Variants in XRN1 observed in about 807,000 individuals in gnomAD.
XRN1 encodes strand-exchange protein 1 homolog.
XRN1 carries 67 observed loss-of-function variants against 222.3 expected under a neutral mutation model. The observed-to-expected ratio is 0.30, with a 90% confidence interval of 0.25 to 0.37. XRN1 has a LOEUF of 0.37. Among genes scored for constraint, XRN1 ranks in the 10% least tolerant of loss-of-function variants. The probability of loss-of-function intolerance (pLI) is 1.00; values close to 1 mark genes in which losing one functional copy is unlikely to be tolerated. For synonymous variants in XRN1, 643 were observed against 652.4 expected (o/e 0.99, Z 0.22); for missense variants, 1,707 against 2,000.2 (o/e 0.85, Z 2.80).
intron 14 of XRN1, 70 bp downstream of exon 14, chr3:142,414,065 G>A: frequency 7.2e-7 from 1 of 1,392,576 alleles, no homozygotes; most frequent in Non-Finnish European, 9.5e-7. Flanking sequence ...GAGTATTATT[G>A]TTTCTAGGTT....
At chr3:142,412,361 T>C (rs2068618186) in intron 15 of XRN1, among the ~76,000 whole-genome samples, 183 bp downstream of exon 15, 1 of 152,244 alleles carries the variant, frequency 6.6e-6, no homozygotes, top group African/African-American at 2.4e-5. Context: ...CTAATAATAG[T>C]AAAGCCACTT....
Position 142,310,664 on chromosome 3 carries a change from T to C in XRN1, c.*847A>G, listed in dbSNP as rs546116631. 3.9e-5 allele frequency: 6 copies of C among 152,712 alleles called. No homozygotes were observed. Among genetic ancestry groups the C allele is most frequent in the Admixed American group, 2.6e-4 (4 of 15,280 alleles). The allele number at this position is 152,712 out of a possible 1,614,324, so 9.5% of individuals were successfully genotyped here. A position where few individuals can be genotyped will look rare whatever the true frequency, so the allele number is the denominator to read the frequency against. On this transcript the variant is annotated 3_prime_UTR_variant, in exon 41 of 41. Transcript: ENST00000392981. Reference sequence around the variant, plus strand: ...TGTCAGGTAAGCAAATAAAAAGCTATACAAAATAATACAGTTTATTAATTA... The same window carrying C: ...TGTCAGGTAAGCAAATAAAAAGCTACACAAAATAATACAGTTTATTAATTA...
At chr3:142,414,383 T>C in intron 13 of XRN1, 92 bp from the exon 14 acceptor site, 6 of 1,006,764 alleles carry the variant, frequency 6.0e-6, no homozygotes, top group Non-Finnish European at 5.3e-6. Context: ...TAACAACATA[T>C]AAAAATAATT....
At chr3:142,374,268 T>C (rs1004367475) in intron 25 of XRN1, among the ~76,000 whole-genome samples, 13 of 152,096 alleles carry the variant, frequency 8.5e-5, no homozygotes, top group Non-Finnish European at 2.9e-5. Flanking sequence ...TAATGAGAGC[T>C]GCACAACAGC....
At chr3:142,428,740 A>T (rs1327943336) in intron 2 of XRN1, among the ~76,000 whole-genome samples, 1 of 152,250 alleles carries the variant, frequency 6.6e-6, no homozygotes, top group African/African-American at 2.4e-5. Flanking sequence ...CACAGAAGGC[A>T]GACTGTTTTA....
At chr3:142,384,767 C>T (rs1179937077) in intron 20 of XRN1, 82 bp from the exon 21 acceptor site, 3 of 1,072,952 alleles carry the variant, frequency 2.8e-6, no homozygotes. Context: ...CTATCGTAAA[C>T]TATCAACTCA....
chr3:142,367,976 C>T (rs1159898367), intron 27 of XRN1, among the ~76,000 whole-genome samples: 1 of 151,156 alleles, frequency 6.6e-6, no homozygotes, highest in Admixed American at 6.6e-5. Context: ...ACTGCACCTC[C>T]CTGACAAATT....
At position 142,432,879 on chromosome 3, in the gene XRN1, G is replaced by C; in HGVS notation, c.90C>G (p.Asp30Glu). The change falls in exon 2 of 41, where the codon GAC becomes GAG. Residue 30 changes from aspartate (D) to glutamate (E), a missense_variant. Around this residue, in one of 2 missense-constraint regions of XRN1, gnomAD observed 1,234 missense variants for 1,518.2 expected, o/e 0.81. Coordinates refer to ENST00000392981, the MANE Select transcript of XRN1 (RefSeq NM_001282857.2). ...VVKEHQIPEF[D>E]NLYLDMNGII... ...TTCCATTCATATCCAGGTACAAGTT[G>C]TCAAATTCAGGAATCTGAAAAACAA... 6.2e-7 allele frequency: 1 copy of C among 1,604,530 alleles called. No individual in the cohort carries two copies. Among genetic ancestry groups the C allele is most frequent in the Non-Finnish European group, 8.5e-7 (1 of 1,174,146 alleles).
chr3:142,403,538 T>G, intron 18 of XRN1, 136 bp downstream of exon 18: 2 of 698,062 alleles, frequency 2.9e-6, no homozygotes, highest in African/African-American at 1.8e-5. Flanking sequence ...TGTATGAATG[T>G]TTCTTTGCTT....
At chr3:142,432,109 T>TAAATATATAAATATATTTTCATATATATA (rs1559880435) in intron 2 of XRN1, among the ~76,000 whole-genome samples, 6 of 107,464 alleles carry the variant, frequency 5.6e-5, no homozygotes, top group Non-Finnish European at 1.1e-4. Context: ...ACATTATATA[T>TAAATATATAAATATATTTTCATATATATA]AAATATATAA....
intron 30 of XRN1, among the ~76,000 whole-genome samples, chr3:142,357,939 G>T (rs1450180009): frequency 1.3e-5 from 2 of 152,188 alleles, no homozygotes; most frequent in Admixed American, 1.3e-4. Flanking sequence ...CCGGGAGGCT[G>T]AGGCAGGAGA....
Position 142,335,507 on chromosome 3 carries a change from T to C in XRN1, c.3880A>G (p.Lys1294Glu). ...QRKHDPHRKF[K>E]EECKSPKAEC... ...GCTTTAGGACTCTTACACTCTTCTT[T>C]AACTAGAGACAAGAAAACAGAAATT... Residue 1294 changes from lysine to glutamate, a missense_variant and splice_region_variant, in exon 34 of 41, where the codon AAA becomes GAA. By Grantham distance (56) the Lys-to-Glu change is moderately conservative. Transcript: ENST00000392981. 1 of 1,612,946 alleles carries C rather than the reference T, an allele frequency of 6.2e-7. No homozygotes were observed. Among genetic ancestry groups the C allele is most frequent in the Non-Finnish European group, 8.5e-7 (1 of 1,179,586 alleles).
In XRN1 at chr3:142,384,514, T is replaced by C; in HGVS notation, c.2502+9A>G. On this transcript the variant is annotated intron_variant, in intron 21 of 40. Transcript: ENST00000392981. ...ATTAAGACAGAATTGAAACTTGATA[T>C]AGACTTACCTTGACAATAGTTTGAT... 1 of 1,605,098 alleles carries C rather than the reference T, an allele frequency of 6.2e-7. No individual in the cohort carries two copies. The highest frequency in any genetic ancestry group is 1.1e-5 in the South Asian group (1 of 89,240).
rs1201981660 is a variant in XRN1 at position 142,308,584 on chromosome 3, AATCAATTAATAC to A, written c.*2915_*2926del. ...AAGACTTTAGTCTACATGATGTTTA[AATCAATTAATAC>A]ATTCAAATTCTAACGCTGAGGTAAT... On this transcript the variant is annotated 3_prime_UTR_variant, in exon 41 of 41. Transcript: ENST00000392981. 6.6e-6 allele frequency: 1 copy of A among 152,214 alleles called. No individual in the cohort carries two copies. Among genetic ancestry groups the A allele is most frequent in the Admixed American group, 6.5e-5 (1 of 15,288 alleles). The allele number at this position is 152,214 out of a possible 1,614,324, so 9.4% of individuals were successfully genotyped here. A position where few individuals can be genotyped will look rare whatever the true frequency, so the allele number is the denominator to read the frequency against.
At chr3:142,371,030 G>A (rs757548185) in intron 26 of XRN1, among the ~76,000 whole-genome samples, 1 of 151,956 alleles carries the variant, frequency 6.6e-6, no homozygotes, top group Non-Finnish European at 1.5e-5. Flanking sequence ...CAGCTACTCA[G>A]GAGGCTGAGG....
chr3:142,324,964 T>C (rs998482786), intron 37 of XRN1, among the ~76,000 whole-genome samples: 6 of 152,314 alleles, frequency 3.9e-5, no homozygotes, highest in South Asian at 4.1e-4. Context: ...CATTTATCCA[T>C]TGATGGACAC....
At chr3:142,352,427 A>C (rs925187665) in intron 32 of XRN1, among the ~76,000 whole-genome samples, 3 of 152,224 alleles carry the variant, frequency 2.0e-5, no homozygotes, top group African/African-American at 7.2e-5. Context: ...AGAACTACGT[A>C]TCTTGTCACC....
intron 20 of XRN1, among the ~76,000 whole-genome samples, chr3:142,385,849 T>A (rs2067480475): frequency 6.6e-6 from 1 of 152,038 alleles, no homozygotes; most frequent in African/African-American, 2.4e-5. Flanking sequence ...ACTGATTCAA[T>A]TTTTAGTATG....
chr3:142,422,647 T>A lies in XRN1; in HGVS notation c.902A>T (p.His301Leu), dbSNP rs753361453. Residue 301 changes from histidine (H) to leucine (L), a missense_variant, in exon 8 of 41, where the codon CAT becomes CTT. By Grantham distance (99) the His-to-Leu change is moderately conservative. Transcript: ENST00000392981. ...NDFIPHLPHL[H>L]INHDALPLLY... ...AAGAGGCAGTGCATCATGATTAATA[T>A]GTAAATGAGGTAGATGAGGGATAAA... is the stretch of plus-strand genomic sequence containing the variant. 2 of 1,613,634 alleles carry A rather than the reference T, an allele frequency of 1.2e-6. No individual in the cohort carries two copies. The highest frequency in any genetic ancestry group is 8.5e-7 in the Non-Finnish European group (1 of 1,179,706).
Sources: gnomAD v4.1 joint callset for allele counts (sites outside exome capture counted in the v4.1 genomes callset) on GRCh38, gnomAD v4.1.1 for gene constraint, gnomAD v4.1.1 regional missense constraint, MANE v1.5 for transcripts, NCBI Gene and HGNC (gene_info 2026-07-23, HGNC 2026-07-21) for gene names.